The following PTPRD variants were observed in gnomAD, a reference collection of about 807,000 sequenced individuals.
The protein encoded by PTPRD is protein tyrosine phosphatase receptor type D, also known as receptor-type tyrosine-protein phosphatase delta.
A neutral mutation model predicts 214.5 loss-of-function variants in PTPRD; 34 were observed. The ratio of observed to expected loss-of-function variants is 0.16; its 90% confidence interval spans 0.12 to 0.21. The LOEUF (loss-of-function observed/expected upper bound fraction) is 0.21. PTPRD is among the 10% of genes least tolerant of loss of function. The probability of loss-of-function intolerance (pLI) is 1.00; values close to 1 mark genes in which losing one functional copy is unlikely to be tolerated. For missense variants in PTPRD, 2,545 were observed against 2,398.7 expected (o/e 1.06, Z -1.27); for synonymous variants, 1,128 against 845.7 (o/e 1.33, Z -5.79).
intron 9 of PTPRD, among the ~76,000 whole-genome samples, chr9:9,314,630 G>A (rs1351235415): frequency 1.3e-5 from 2 of 151,968 alleles, no homozygotes; most frequent in Non-Finnish European, 2.9e-5. Flanking sequence ...TTTGCTTATG[G>A]TAGGAAGGTA....
chr9:9,350,041 T>C (rs1219758075), intron 9 of PTPRD, among the ~76,000 whole-genome samples: 1 of 152,066 alleles, frequency 6.6e-6, no homozygotes, highest in Admixed American at 6.6e-5. Context: ...ATGCAAATGC[T>C]TGAAGAGGTA....
chr9:8,851,911 G>A (rs1200841598), intron 11 of PTPRD, among the ~76,000 whole-genome samples: 2 of 152,080 alleles, frequency 1.3e-5, no homozygotes, highest in East Asian at 1.9e-4. Flanking sequence ...CCTGGGTCGA[G>A]ATTTTGCAAT....
intron 39 of PTPRD, among the ~76,000 whole-genome samples, chr9:8,352,855 G>A (rs1201067368): frequency 6.6e-6 from 1 of 152,176 alleles, no homozygotes; most frequent in Non-Finnish European, 1.5e-5. Context: ...GCTCATGCCT[G>A]TAATCCCAGC....
intron 33 of PTPRD, among the ~76,000 whole-genome samples, chr9:8,457,619 A>G (rs2096253849): frequency 6.6e-6 from 1 of 152,110 alleles, no homozygotes; most frequent in African/African-American, 2.4e-5. Context: ...GGTAAAATAT[A>G]CTTCTTTATA....
intron 5 of PTPRD, among the ~76,000 whole-genome samples, chr9:9,822,876 G>C (rs1352297862): frequency 6.6e-6 from 1 of 152,098 alleles, no homozygotes; most frequent in Admixed American, 6.6e-5. Context: ...GGGAATGTAA[G>C]TCAACGCAGT....
rs1592555380 is a variant in PTPRD at position 9,596,255 on chromosome 9, A to G, written c.-286-21474T>C. 2.6e-5 allele frequency among the ~76,000 whole-genome samples: 4 copies of G among 152,126 alleles called. No individual in the cohort carries two copies. The East Asian group carries it at 7.8e-4, about 30-fold the overall frequency. ...ATCTTTAATGAATATTTTGTGATATATATCAGATAAAATAGCATATCAATA... is the reference window on the plus strand; with the variant it reads ...ATCTTTAATGAATATTTTGTGATATGTATCAGATAAAATAGCATATCAATA... On this transcript the variant is annotated intron_variant, in intron 7 of 45. Transcript: ENST00000381196.
At chr9:9,670,483 C>T (rs944600100) in intron 7 of PTPRD, among the ~76,000 whole-genome samples, 1 of 152,120 alleles carries the variant, frequency 6.6e-6, no homozygotes, top group Admixed American at 6.5e-5. Flanking sequence ...AACAAGGAAC[C>T]AAATGTTAAT....
intron 3 of PTPRD, among the ~76,000 whole-genome samples, chr9:10,169,267 G>A (rs1032053835): frequency 1.3e-5 from 2 of 151,842 alleles, no homozygotes; most frequent in Admixed American, 6.6e-5. Flanking sequence ...GAGGTCAGGA[G>A]ATCGAGACCA....
intron 5 of PTPRD, among the ~76,000 whole-genome samples, chr9:9,882,603 CTG>C (rs1446761988): frequency 1.5e-4 from 23 of 152,236 alleles, no homozygotes; most frequent in African/African-American, 4.3e-4. Context: ...ATTTCAGACT[CTG>C]AGAATTATCT....
At chr9:9,101,042 T>C (rs1391701405) in intron 10 of PTPRD, among the ~76,000 whole-genome samples, 2 of 152,030 alleles carry the variant, frequency 1.3e-5, no homozygotes, top group African/African-American at 2.4e-5. Context: ...TAAAAATGTT[T>C]AAAAATCAGC....
At chr9:10,366,405 A>C (rs1054308509) in intron 2 of PTPRD, among the ~76,000 whole-genome samples, 2 of 152,166 alleles carry the variant, frequency 1.3e-5, no homozygotes, top group African/African-American at 4.8e-5. Flanking sequence ...TGACATTTGC[A>C]CTATAACTCA....
chr9:9,923,866 C>G (rs1017444872), intron 5 of PTPRD, among the ~76,000 whole-genome samples: 4 of 151,818 alleles, frequency 2.6e-5, no homozygotes, highest in Non-Finnish European at 5.9e-5. Flanking sequence ...GATCTAGGAA[C>G]AAGAAGTCCA....
rs995075319 is a variant in PTPRD at position 9,240,290 on chromosome 9, G to A, written c.-202-56927C>T. Among the ~76,000 whole-genome samples, 3 of 152,114 alleles carry A rather than the reference G, an allele frequency of 2.0e-5. No individual in the cohort carries two copies. In the East Asian group the frequency reaches 5.8e-4, roughly 29 times the overall value. On this transcript the variant is annotated intron_variant, in intron 9 of 45. Coordinates refer to ENST00000381196, the MANE Select transcript of PTPRD (RefSeq NM_002839.4). ...TAAAATACTGACACATTAATTACTA[G>A]TCATTGGTTTAAACTATATATATTT... is the stretch of plus-strand genomic sequence containing the variant.
chr9:8,799,547 C>G (rs1310232997), intron 11 of PTPRD, among the ~76,000 whole-genome samples: 2 of 152,130 alleles, frequency 1.3e-5, no homozygotes, highest in Non-Finnish European at 2.9e-5. Flanking sequence ...TTGCAGATTC[C>G]TAGTATCTGT....
intron 7 of PTPRD, among the ~76,000 whole-genome samples, chr9:9,673,103 A>C (rs538676086): frequency 3.6e-4 from 55 of 152,142 alleles, no homozygotes; most frequent in African/African-American, 1.3e-3. Context: ...AAACAGGTAC[A>C]AATTTTGAAG....
intron 37 of PTPRD, among the ~76,000 whole-genome samples, chr9:8,380,269 T>G (rs1192660421): frequency 1.3e-5 from 2 of 152,182 alleles, no homozygotes; most frequent in Non-Finnish European, 2.9e-5. Flanking sequence ...CCTTACTGAC[T>G]AAGTGGGGTG....
chr9:9,805,559 T>G (rs1239613035), intron 5 of PTPRD, among the ~76,000 whole-genome samples: 2 of 152,178 alleles, frequency 1.3e-5, no homozygotes, highest in Non-Finnish European at 2.9e-5. Context: ...AAAGTAAATT[T>G]GAATATTTAA....
At chr9:9,208,019 G>GTTTTTTT (rs1569562243) in intron 9 of PTPRD, among the ~76,000 whole-genome samples, 1 of 26,042 alleles carries the variant, frequency 3.8e-5, no homozygotes, top group Non-Finnish European at 8.9e-5. Context: ...ATATATATCT[G>GTTTTTTT]CTTTTTTTTT....
rs182523179 is a variant in PTPRD, at chr9:9,419,569, G to A, written c.-236-22087C>T. Among the ~76,000 whole-genome samples the A allele has an allele frequency of 1.3e-4, 19 of 151,844 alleles. No individual in the cohort carries two copies. In the South Asian group the frequency reaches 3.9e-3, roughly 31 times the overall value. The stretch of plus-strand genomic sequence containing the variant: ...AACAGTTTAAGAAAAGCCCCAATAT[G>A]TATATTGTTTATAAACTTTAACAGA... On this transcript the variant is annotated intron_variant, in intron 8 of 45. Coordinates refer to ENST00000381196, the MANE Select transcript of PTPRD (RefSeq NM_002839.4).
Sources: gnomAD v4.1 joint callset for allele counts (sites outside exome capture counted in the v4.1 genomes callset) on GRCh38, gnomAD v4.1.1 for gene constraint, MANE v1.5 for transcripts, NCBI Gene and HGNC (gene_info 2026-07-23, HGNC 2026-07-21) for gene names.